The following CSRNP3 variants were observed in gnomAD, a reference collection of about 807,000 sequenced individuals.
CSRNP3 encodes cysteine/serine-rich nuclear protein 3.
A neutral mutation model predicts 48.0 loss-of-function variants in CSRNP3; 12 were observed. That is an observed-to-expected ratio of 0.25 (90% confidence interval 0.16 to 0.41). The LOEUF (loss-of-function observed/expected upper bound fraction) is 0.41, where lower values mean the gene tolerates loss of function less well. Among genes scored for constraint, CSRNP3 ranks in the 10% least tolerant of loss-of-function variants. The pLI, the probability that CSRNP3 is intolerant of heterozygous loss-of-function variation, is 1.00. For missense variants in CSRNP3, 580 were observed against 724.4 expected (o/e 0.80, Z 2.29); for synonymous variants, 263 against 269.7 (o/e 0.98, Z 0.24).
chr2:165,486,097 G>A (rs893580554), intron 1 of CSRNP3, among the ~76,000 whole-genome samples: 5 of 150,814 alleles, frequency 3.3e-5, no homozygotes, highest in Admixed American at 6.6e-5. Flanking sequence ...CGCACCGTGC[G>A]CGAGCCGAAG....
intron 3 of CSRNP3, among the ~76,000 whole-genome samples, chr2:165,548,089 A>G (rs937240732): frequency 5.9e-5 from 9 of 152,200 alleles, no homozygotes; most frequent in Middle Eastern, 3.4e-3. Context: ...CCACCCTTCC[A>G]CTGTGAAAAC....
At chr2:165,594,114 C>CA (rs1280100426) in intron 3 of CSRNP3, among the ~76,000 whole-genome samples, 3 of 151,664 alleles carry the variant, frequency 2.0e-5, no homozygotes, top group Non-Finnish European at 4.4e-5. Context: ...TTTCAAAATC[C>CA]AAAAAAAATT....
chr2:165,673,778 T>C (rs1307396683), intron 5 of CSRNP3, among the ~76,000 whole-genome samples: 4 of 152,156 alleles, frequency 2.6e-5, no homozygotes, highest in Admixed American at 2.0e-4. Flanking sequence ...CCCAGCACTT[T>C]GGGAGGCCAA....
chr2:165,479,758 T>C (rs1684014502), intron 1 of CSRNP3, among the ~76,000 whole-genome samples: 1 of 151,842 alleles, frequency 6.6e-6, no homozygotes, highest in Non-Finnish European at 1.5e-5. Context: ...TGGTGGTACA[T>C]GCCTATAGTC....
chr2:165,678,828 A>G lies in CSRNP3; in HGVS notation c.833A>G (p.Glu278Gly). 1 of 1,614,060 alleles carries G rather than the reference A, an allele frequency of 6.2e-7. No homozygotes were observed. Among genetic ancestry groups the G allele is most frequent in the Non-Finnish European group, 8.5e-7 (1 of 1,179,990 alleles). Reference protein sequence around the residue: ...FLHTIMKLELEKNREQQIPTL... With the variant: ...FLHTIMKLELGKNREQQIPTL... ...CACACAATAATGAAACTTGAACTGGAGAAAAACCGAGAGCAGCAAATCCCC... is the reference window on the plus strand; with the variant it reads ...CACACAATAATGAAACTTGAACTGGGGAAAAACCGAGAGCAGCAAATCCCC... The change falls in exon 7 of 7, where the codon GAG (glutamate) becomes GGG (glycine). Residue 278 changes from glutamate (E) to glycine (G), a missense_variant. By Grantham distance (98) the Glu-to-Gly change is moderately conservative (BLOSUM62 -2). This residue lies in a region of CSRNP3 where 369 missense variants were observed against 380.8 expected (regional missense o/e 0.97). Coordinates refer to ENST00000651982, the MANE Select transcript of CSRNP3 (RefSeq NM_001172173.2).
intron 4 of CSRNP3, among the ~76,000 whole-genome samples, chr2:165,646,085 C>G (rs1330965347): frequency 6.6e-6 from 1 of 152,030 alleles, no homozygotes; most frequent in African/African-American, 2.4e-5. Context: ...ACATATGGAT[C>G]CAGTAAAACA....
chr2:165,626,673 C>T (rs1686441730), intron 4 of CSRNP3, among the ~76,000 whole-genome samples: 1 of 152,224 alleles, frequency 6.6e-6, no homozygotes, highest in African/African-American at 2.4e-5. Context: ...TCGTGTTCTG[C>T]CACCTTTCAT....
intron 2 of CSRNP3, among the ~76,000 whole-genome samples, chr2:165,506,541 G>A (rs1302664479): frequency 1.3e-5 from 2 of 151,930 alleles, no homozygotes; most frequent in African/African-American, 4.8e-5. Context: ...CCAGGGATTC[G>A]GCTCCCAGAA....
chr2:165,671,764 C>T (rs1011683912), intron 5 of CSRNP3, among the ~76,000 whole-genome samples: 9 of 152,138 alleles, frequency 5.9e-5, no homozygotes, highest in Non-Finnish European at 1.0e-4. Flanking sequence ...ATGGGTTTTT[C>T]TCTTCTATTG....
intron 4 of CSRNP3, among the ~76,000 whole-genome samples, chr2:165,610,719 C>G (rs974573288): frequency 2.6e-5 from 4 of 152,170 alleles, no homozygotes; most frequent in African/African-American, 9.6e-5. Flanking sequence ...GGAAGTGCTT[C>G]AGAGCTGCGG....
intron 3 of CSRNP3, among the ~76,000 whole-genome samples, chr2:165,538,466 C>T (rs1038257676): frequency 5.3e-5 from 8 of 151,818 alleles, no homozygotes; most frequent in Non-Finnish European, 8.8e-5. Flanking sequence ...TAGCTAGGTG[C>T]GTATTCTATC....
chr2:165,642,103 A>AACACACACACACACACACAC (rs58624766), intron 4 of CSRNP3, among the ~76,000 whole-genome samples: 1 of 132,102 alleles, frequency 7.6e-6, no homozygotes. Flanking sequence ...CACACACACA[A>AACACACACACACACACACAC]ACACACACAC....
chr2:165,607,635 T>C (rs1686054041), intron 4 of CSRNP3, among the ~76,000 whole-genome samples: 1 of 152,160 alleles, frequency 6.6e-6, no homozygotes, highest in African/African-American at 2.4e-5. Flanking sequence ...TATTATTTCT[T>C]TAGTTGATCA....
intron 4 of CSRNP3, among the ~76,000 whole-genome samples, chr2:165,620,193 C>T (rs1023144620): frequency 4.6e-5 from 7 of 152,076 alleles, no homozygotes; most frequent in African/African-American, 1.7e-4. Context: ...GATATATAGC[C>T]AGAGCTTATG....
chr2:165,532,274 C>G (rs1195818528), intron 3 of CSRNP3, among the ~76,000 whole-genome samples: 1 of 152,092 alleles, frequency 6.6e-6, no homozygotes, highest in Non-Finnish European at 1.5e-5. Flanking sequence ...AATTTTAGAC[C>G]AATATCCTTG....
intron 5 of CSRNP3, among the ~76,000 whole-genome samples, chr2:165,668,200 A>C (rs1219044450): frequency 6.6e-6 from 1 of 152,134 alleles, no homozygotes; most frequent in African/African-American, 2.4e-5. Context: ...TCAGCTGAGA[A>C]AATCAAAAGA....
chr2:165,501,694 T>C (rs1684361168), intron 2 of CSRNP3, among the ~76,000 whole-genome samples: 2 of 152,148 alleles, frequency 1.3e-5, no homozygotes, highest in South Asian at 4.1e-4. Context: ...GACTTTTTAC[T>C]AAAAAAGATT....
chr2:165,654,407 G>A (rs7608393), intron 4 of CSRNP3, among the ~76,000 whole-genome samples: 5,472 of 152,270 alleles, frequency 0.036, 287 homozygotes, highest in African/African-American at 0.11. Flanking sequence ...ATAAATGGAA[G>A]ATTATGCACA....
At chr2:165,660,902 A>G (rs1254245536) in intron 5 of CSRNP3, among the ~76,000 whole-genome samples, 1 of 152,198 alleles carries the variant, frequency 6.6e-6, no homozygotes, top group Non-Finnish European at 1.5e-5. Context: ...AAAGATAATG[A>G]CATTTTGAGA....
Sources: gnomAD v4.1 joint callset for allele counts (sites outside exome capture counted in the v4.1 genomes callset) on GRCh38, gnomAD v4.1.1 for gene constraint, gnomAD v4.1.1 regional missense constraint, MANE v1.5 for transcripts, NCBI Gene and HGNC (gene_info 2026-07-23, HGNC 2026-07-21) for gene names.